The following CAB39L variants were observed in gnomAD, a reference collection of about 807,000 sequenced individuals.
CAB39L encodes the protein calcium-binding protein 39-like.
In CAB39L, 23 loss-of-function variants were observed where a neutral mutation model predicts 39.1. The observed-to-expected ratio is 0.59, with a 90% CI of 0.42 to 0.83. The LOEUF is 0.83. CAB39L is among the 40% of genes least tolerant of loss of function. The probability of loss-of-function intolerance (pLI) is 0.00; values close to 1 mark genes in which losing one functional copy is unlikely to be tolerated. For missense variants in CAB39L, 366 were observed against 391.9 expected (o/e 0.93, Z 0.56); for synonymous variants, 126 against 137.2 (o/e 0.92, Z 0.57).
chr13:49,373,826 C>T (rs7318456), intron 5 of CAB39L, among the ~76,000 whole-genome samples: 82,917 of 152,016 alleles, frequency 0.55, 24,026 homozygotes, highest in African/African-American at 0.72. Flanking sequence ...TTCTGTGTCG[C>T]TGGAGTAAGT....
rs186983734 is a variant in CAB39L at position 49,414,702 on chromosome 13, T to C, written c.-32+18616A>G. Among the ~76,000 whole-genome samples the C allele has an allele frequency of 8.3e-3, 1,258 of 152,322 alleles. 19 individuals are homozygous for C. Among genetic ancestry groups the C allele is most frequent in the African/African-American group, 0.027 (1,138 of 41,576 alleles). ...TGTGTGTGTACAGAGACATGCATAATTTTATATAGATAAAAGACTAGAAGG... is the reference window on the plus strand; with the variant it reads ...TGTGTGTGTACAGAGACATGCATAACTTTATATAGATAAAAGACTAGAAGG... On this transcript the variant is annotated intron_variant, in intron 3 of 10. Transcript: ENST00000409308.
At chr13:49,331,589 AG>A (rs1954701663) in intron 10 of CAB39L, among the ~76,000 whole-genome samples, 1 of 152,198 alleles carries the variant, frequency 6.6e-6, no homozygotes, top group Non-Finnish European at 1.5e-5. Context: ...CTGTGTCTTC[AG>A]GGCGTCATTT....
chr13:49,353,461 A>T (rs188029839), intron 6 of CAB39L, among the ~76,000 whole-genome samples: 1 of 152,236 alleles, frequency 6.6e-6, no homozygotes, highest in African/African-American at 2.4e-5. Context: ...TTTGGCCCTA[A>T]CCTTAACTTT....
chr13:49,381,646 CATT>C (rs1484261134), intron 4 of CAB39L, among the ~76,000 whole-genome samples: 1 of 152,142 alleles, frequency 6.6e-6, no homozygotes, highest in African/African-American at 2.4e-5. Context: ...TTTCATTCAA[CATT>C]ATTTTTAAGA....
chr13:49,413,308 A>G (rs1473809935), intron 3 of CAB39L, among the ~76,000 whole-genome samples: 1 of 152,166 alleles, frequency 6.6e-6, no homozygotes, highest in East Asian at 1.9e-4. Flanking sequence ...AAGAAATGGG[A>G]CTTTTTTAAT....
chr13:49,379,844 C>CTT (rs199610486), intron 4 of CAB39L, among the ~76,000 whole-genome samples: 4 of 139,406 alleles, frequency 2.9e-5, no homozygotes, highest in Admixed American at 7.2e-5. Context: ...ACTAAATAAT[C>CTT]TTTTTTTTTT....
In CAB39L at chr13:49,364,977, A is replaced by G. The variant is rs1407018299; in HGVS notation, c.277-5145T>C. On this transcript the variant is annotated intron_variant, in intron 5 of 10. Coordinates refer to ENST00000409308, the MANE Select transcript of CAB39L (RefSeq NM_001079670.3). ...ATTTACATGGAACCACAAAAAACCCAGAATAGCCAAAACCATCATGAGCAA... is the reference window on the plus strand; with the variant it reads ...ATTTACATGGAACCACAAAAAACCCGGAATAGCCAAAACCATCATGAGCAA... Among the ~76,000 whole-genome samples the G allele has an allele frequency of 5.9e-5, 9 of 152,280 alleles. No individual in the cohort carries two copies. In the East Asian group the frequency reaches 1.7e-3, roughly 29 times the overall value.
intron 3 of CAB39L, among the ~76,000 whole-genome samples, chr13:49,422,815 T>G (rs752795847): frequency 6.6e-6 from 1 of 152,170 alleles, no homozygotes. Flanking sequence ...CTCAAATTTA[T>G]TATTCTCTAA....
chr13:49,385,423 A>G (rs1226477939), intron 3 of CAB39L, among the ~76,000 whole-genome samples: 4 of 152,200 alleles, frequency 2.6e-5, no homozygotes, highest in African/African-American at 9.6e-5. Context: ...ATTAACAATT[A>G]GCTGTTTTGT....
At chr13:49,339,808 T>C (rs1954954117) in intron 8 of CAB39L, 66 bp from the exon 9 acceptor site, 12 of 1,375,880 alleles carry the variant, frequency 8.7e-6, no homozygotes, top group Non-Finnish European at 1.0e-5. Flanking sequence ...TAGGCTGGCT[T>C]GCTTTCTTTT....
At chr13:49,404,518 CCAGA>C (rs1249839642) in intron 3 of CAB39L, among the ~76,000 whole-genome samples, 1 of 151,552 alleles carries the variant, frequency 6.6e-6, no homozygotes, top group Non-Finnish European at 1.5e-5. Context: ...TCTTCAATGC[CCAGA>C]CAATGACAAA....
chr13:49,430,764 C>T (rs1323562425), intron 3 of CAB39L, among the ~76,000 whole-genome samples: 1 of 152,186 alleles, frequency 6.6e-6, no homozygotes, highest in Non-Finnish European at 1.5e-5. Flanking sequence ...AGACTGGTAT[C>T]GACATGGCTG....
chr13:49,345,005 C>T (rs1955107048), intron 7 of CAB39L, among the ~76,000 whole-genome samples: 1 of 152,152 alleles, frequency 6.6e-6, no homozygotes. Flanking sequence ...CATGAAGAAA[C>T]ATTTGACTGT....
intron 6 of CAB39L, among the ~76,000 whole-genome samples, chr13:49,354,756 C>A (rs1212696523): frequency 2.0e-5 from 3 of 151,968 alleles, no homozygotes; most frequent in Non-Finnish European, 4.4e-5. Context: ...CTAGGCATGC[C>A]CATCAAATAA....
rs543470860 is a variant in CAB39L, at chr13:49,378,246, C to T, written c.112-1115G>A. Among the ~76,000 whole-genome samples the T allele has an allele frequency of 2.1e-5, 2 of 93,236 alleles. 1 individual carries two copies. Among genetic ancestry groups the T allele is most frequent in the African/African-American group, 1.2e-4 (2 of 16,502 alleles). 61.2% of individuals were successfully genotyped at this position (93,236 alleles called of 152,430 possible). A position where few individuals can be genotyped will look rare whatever the true frequency, so the allele number is the denominator to read the frequency against. Reference sequence around the variant, plus strand: ...GAGCATCTCCGACCGGCAGCCACCCCGTCAGGGAGGGAGGTGGGGGGGGGT... The same window carrying T: ...GAGCATCTCCGACCGGCAGCCACCCTGTCAGGGAGGGAGGTGGGGGGGGGT... On this transcript the variant is annotated intron_variant, in intron 4 of 10. Transcript: ENST00000409308.
At chr13:49,379,976 G>A (rs532583176) in intron 4 of CAB39L, among the ~76,000 whole-genome samples, 106 of 145,578 alleles carry the variant, frequency 7.3e-4, no homozygotes, top group African/African-American at 2.6e-3. Flanking sequence ...CAAGTAGCGG[G>A]GACTACAAGC....
chr13:49,401,959 T>C (rs1024003715), intron 3 of CAB39L, among the ~76,000 whole-genome samples: 3 of 152,166 alleles, frequency 2.0e-5, no homozygotes, highest in Non-Finnish European at 4.4e-5. Flanking sequence ...AGAGTACTTA[T>C]AATTTAAACT....
At chr13:49,339,470 T>C (rs1954941337) in intron 9 of CAB39L, among the ~76,000 whole-genome samples, 2 of 152,218 alleles carry the variant, frequency 1.3e-5, no homozygotes, top group African/African-American at 2.4e-5. Context: ...CATGTACTTA[T>C]ATTGTTACTT....
intron 3 of CAB39L, among the ~76,000 whole-genome samples, chr13:49,394,115 T>C (rs967209726): frequency 6.6e-6 from 1 of 151,470 alleles, no homozygotes; most frequent in Non-Finnish European, 1.5e-5. Context: ...AGATAAATAA[T>C]AAAAAAAATT....
Sources: gnomAD v4.1 joint callset for allele counts (sites outside exome capture counted in the v4.1 genomes callset) on GRCh38, gnomAD v4.1.1 for gene constraint, MANE v1.5 for transcripts, NCBI Gene and HGNC (gene_info 2026-07-23, HGNC 2026-07-21) for gene names.